The following TXK variants were observed in gnomAD, a reference collection of about 807,000 sequenced individuals.
The protein encoded by TXK is TXK tyrosine kinase.
Under a neutral mutation model 81.0 loss-of-function variants are expected in TXK, and 60 were observed. The observed-to-expected ratio is 0.74, with a 90% CI of 0.60 to 0.92. The LOEUF (loss-of-function observed/expected upper bound fraction) is 0.92, where lower values mean the gene tolerates loss of function less well. Among genes scored for constraint, TXK ranks in the 40% least tolerant of loss-of-function variants. The pLI is 0.00. For missense variants in TXK, 581 were observed against 638.3 expected (o/e 0.91, Z 0.97); for synonymous variants, 203 against 210.7 (o/e 0.96, Z 0.32).
intron 6 of TXK, among the ~76,000 whole-genome samples, chr4:48,099,272 C>T (rs1718096869): frequency 6.6e-6 from 1 of 152,086 alleles, no homozygotes; most frequent in African/African-American, 2.4e-5. Flanking sequence ...AGATGAAATA[C>T]TTTAAGATAA....
chr4:48,129,454 G>C (rs1350627021), intron 1 of TXK, among the ~76,000 whole-genome samples: 1 of 152,166 alleles, frequency 6.6e-6, no homozygotes, highest in Admixed American at 6.5e-5. Flanking sequence ...ACACCAAACT[G>C]ATCAATTTGA....
At chr4:48,112,743 T>A (rs1718676102) in intron 3 of TXK, among the ~76,000 whole-genome samples, 1 of 152,150 alleles carries the variant, frequency 6.6e-6, no homozygotes, top group Admixed American at 6.5e-5. Context: ...CTTGACAGCA[T>A]TTTACTGGAT....
At chr4:48,103,764 C>A (rs1389096102) in intron 6 of TXK, among the ~76,000 whole-genome samples, 3 of 152,162 alleles carry the variant, frequency 2.0e-5, no homozygotes, top group Admixed American at 1.3e-4. Context: ...CTATTCTACT[C>A]TTTCCTTTGT....
At chr4:48,082,868 G>A (rs549770349) in intron 10 of TXK, among the ~76,000 whole-genome samples, 35 of 152,234 alleles carry the variant, frequency 2.3e-4, no homozygotes, top group South Asian at 1.2e-3. Context: ...CTGTTGGATG[G>A]CCAAACTCCA....
At chr4:48,128,263 G>C (rs1719146821) in intron 1 of TXK, among the ~76,000 whole-genome samples, 1 of 152,176 alleles carries the variant, frequency 6.6e-6, no homozygotes, top group Non-Finnish European at 1.5e-5. Flanking sequence ...AACATGGCTT[G>C]AAACTGGCTC....
At chr4:48,132,299 G>A (rs1390499704) in intron 1 of TXK, among the ~76,000 whole-genome samples, 1 of 152,050 alleles carries the variant, frequency 6.6e-6, no homozygotes, top group Non-Finnish European at 1.5e-5. Context: ...GCAAAATAAG[G>A]CCCTCTGAGT....
chr4:48,097,026 G>A (rs377355930), intron 6 of TXK, among the ~76,000 whole-genome samples: 5 of 151,824 alleles, frequency 3.3e-5, no homozygotes, highest in African/African-American at 1.2e-4. Context: ...AAGAAATTAG[G>A]ATTAAAAACT....
chr4:48,110,286 G>A (rs1718592411), intron 5 of TXK, among the ~76,000 whole-genome samples: 2 of 152,186 alleles, frequency 1.3e-5, no homozygotes, highest in Admixed American at 6.5e-5. Context: ...AGTAAAATAA[G>A]TGCCAGATGA....
chr4:48,124,321 T>A (rs1719031332), intron 1 of TXK, among the ~76,000 whole-genome samples: 1 of 152,156 alleles, frequency 6.6e-6, no homozygotes, highest in South Asian at 2.1e-4. Context: ...ACCCAAGTGT[T>A]TCCAGGCATT....
chr4:48,110,973 G>A (rs1180468657), intron 4 of TXK, among the ~76,000 whole-genome samples: 1 of 152,190 alleles, frequency 6.6e-6, no homozygotes, highest in Non-Finnish European at 1.5e-5. Flanking sequence ...CATAGCATAG[G>A]TATTCTAGTT....
At chr4:48,087,255 A>G (rs1393983733) in intron 9 of TXK, among the ~76,000 whole-genome samples, 1 of 152,082 alleles carries the variant, frequency 6.6e-6, no homozygotes, top group Non-Finnish European at 1.5e-5. Context: ...TTTTAAAATA[A>G]CCCTCTTGAA....
Position 48,096,639 on chromosome 4 carries a change from C to T in TXK, c.502-1417G>A, listed in dbSNP as rs922199060. ...AGGTTCAAGCCGTTCTCCTTTTCTC[C>T]TGCCTCAGCCTCCCCAGTAGCTGGA... On this transcript the variant is annotated intron_variant, in intron 6 of 14. Transcript: ENST00000264316. Among the ~76,000 whole-genome samples, 6 of 152,274 alleles carry T rather than the reference C, an allele frequency of 3.9e-5. No individual in the cohort carries two copies. In the South Asian group the frequency reaches 1.2e-3, roughly 32 times the overall value.
intron 6 of TXK, among the ~76,000 whole-genome samples, chr4:48,097,693 A>G (rs1029990380): frequency 7.0e-6 from 1 of 143,120 alleles, no homozygotes; most frequent in African/African-American, 2.6e-5. Context: ...GCCTCAGCCT[A>G]CCAAAGTGCT....
chr4:48,113,799 T>C (rs1718716882), intron 2 of TXK, among the ~76,000 whole-genome samples: 1 of 151,952 alleles, frequency 6.6e-6, no homozygotes, highest in African/African-American at 2.4e-5. Context: ...TTTCCTCATC[T>C]GTAAAATGGG....
At chr4:48,068,934 T>C (rs34248895) in intron 14 of TXK, among the ~76,000 whole-genome samples, 41,701 of 144,242 alleles carry the variant, frequency 0.29, 8,496 homozygotes, top group Non-Finnish European at 0.4. Context: ...AGCCTGTTTC[T>C]GCGCATGAAT....
At chr4:48,073,307 G>A (rs1402947999) in intron 13 of TXK, among the ~76,000 whole-genome samples, 1 of 152,152 alleles carries the variant, frequency 6.6e-6, no homozygotes, top group Non-Finnish European at 1.5e-5. Context: ...TGGGGTGAAA[G>A]AGGATAGATA....
intron 14 of TXK, 60 bp from the exon 15 acceptor site, chr4:48,067,765 T>A: frequency 6.6e-7 from 1 of 1,512,388 alleles, no homozygotes; most frequent in South Asian, 1.1e-5. Flanking sequence ...AAGGGTTCCA[T>A]TTTTGGAACG....
chr4:48,067,542 A>C lies in TXK; in HGVS notation c.*95T>G, dbSNP rs945493576. ...TTTCAAGAGTCAGCAACTCTGAAGAAAGATATTCACCATAAGTGACCCCAT... is the reference window on the plus strand; with the variant it reads ...TTTCAAGAGTCAGCAACTCTGAAGACAGATATTCACCATAAGTGACCCCAT... On this transcript the variant is annotated 3_prime_UTR_variant, in exon 15 of 15. Transcript: ENST00000264316. The C allele has an allele frequency of 7.8e-7, 1 of 1,279,470 alleles. No individual in the cohort carries two copies. Among genetic ancestry groups the C allele is most frequent in the Non-Finnish European group, 1.1e-6 (1 of 886,412 alleles). 79.3% of individuals were successfully genotyped at this position (1,279,470 alleles called of 1,614,324 possible).
At chr4:48,104,069 T>C (rs966665877) in intron 6 of TXK, among the ~76,000 whole-genome samples, 1 of 147,962 alleles carries the variant, frequency 6.8e-6, no homozygotes, top group Non-Finnish European at 1.5e-5. Flanking sequence ...CCAGGCATGG[T>C]GGCATACCTG....
Sources: allele counts gnomAD v4.1 joint callset (sites outside exome capture counted in the v4.1 genomes callset), GRCh38; gene constraint gnomAD v4.1.1; transcripts MANE v1.5; gene names NCBI Gene and HGNC (gene_info 2026-07-23, HGNC 2026-07-21).